Variants in FAM222B observed in about 807,000 individuals in gnomAD.
FAM222B encodes the protein family with sequence similarity 222 member B, also known as protein FAM222B.
Under a neutral mutation model 38.0 loss-of-function variants are expected in FAM222B, and 12 were observed. The ratio of observed to expected loss-of-function variants is 0.32; its 90% CI spans 0.20 to 0.51. FAM222B has a LOEUF of 0.51. Among genes scored for constraint, FAM222B ranks in the 20% least tolerant of loss-of-function variants. The pLI, the probability that FAM222B is intolerant of heterozygous loss-of-function variation, is 0.97. For synonymous variants in FAM222B, 329 were observed against 317.2 expected, an observed-to-expected ratio of 1.04 and a Z score of -0.40; for missense variants, 716 against 754.2, an observed-to-expected ratio of 0.95 and a Z score of 0.59.
At chr17:28,772,593 CAG>C (rs1245187085) in intron 1 of FAM222B, among the ~76,000 whole-genome samples, 6 of 139,126 alleles carry the variant, frequency 4.3e-5, no homozygotes, top group Non-Finnish European at 6.2e-5. Flanking sequence ...AAAAAAAGAA[CAG>C]AGAGAATTAA....
intron 1 of FAM222B, among the ~76,000 whole-genome samples, chr17:28,769,098 C>T (rs967587007): frequency 2.7e-5 from 4 of 150,616 alleles, no homozygotes; most frequent in African/African-American, 7.3e-5. Flanking sequence ...GATGGGATTA[C>T]TATTAGCCTT....
At chr17:28,793,525 C>T (rs903663247) in intron 1 of FAM222B, among the ~76,000 whole-genome samples, 15 of 152,128 alleles carry the variant, frequency 9.9e-5, no homozygotes, top group Non-Finnish European at 1.9e-4. Context: ...GAATGGTTTT[C>T]AGTAACCAAT....
At chr17:28,780,724 A>G (rs757021418) in intron 1 of FAM222B, among the ~76,000 whole-genome samples, 2 of 152,084 alleles carry the variant, frequency 1.3e-5, no homozygotes, top group Non-Finnish European at 2.9e-5. Flanking sequence ...TCTACTAAAT[A>G]TACACAAATT....
chr17:28,759,992 T>A lies in FAM222B; in HGVS notation c.83-116A>T. 2.0e-6 allele frequency: 2 copies of A among 1,007,024 alleles called. No homozygotes were observed. The highest frequency in any genetic ancestry group is 2.9e-6 in the Non-Finnish European group (2 of 697,172). The allele number at this position is 1,007,024 out of a possible 1,614,324, so 62.4% of individuals were successfully genotyped here. On this transcript the variant is annotated intron_variant, in intron 2 of 2. Coordinates refer to ENST00000581407, the MANE Select transcript of FAM222B (RefSeq NM_001077498.3). This position sits in a 1 kb window ranked among gnomAD's most constrained non-coding sequence, Gnocchi z 4.8. Reference sequence around the variant, plus strand: ...GCCTGGGGTGGGGTGGGGAAATGACTAGATTGTCATCTGTAGCCTTCATTC... The same window carrying A: ...GCCTGGGGTGGGGTGGGGAAATGACAAGATTGTCATCTGTAGCCTTCATTC...
At chr17:28,791,238 T>C (rs995881821) in intron 1 of FAM222B, among the ~76,000 whole-genome samples, 3 of 151,660 alleles carry the variant, frequency 2.0e-5, no homozygotes, top group Non-Finnish European at 4.4e-5. Flanking sequence ...AAATACAAGG[T>C]TGAAGTCTAG....
chr17:28,813,959 C>T (rs1028098193), intron 1 of FAM222B, among the ~76,000 whole-genome samples: 1 of 151,792 alleles, frequency 6.6e-6, no homozygotes, highest in African/African-American at 2.4e-5. Flanking sequence ...CCTGTAATCC[C>T]AGCACTTTGG....
At chr17:28,786,744 G>A (rs1269957317) in intron 1 of FAM222B, among the ~76,000 whole-genome samples, 1 of 152,042 alleles carries the variant, frequency 6.6e-6, no homozygotes, top group East Asian at 1.9e-4. Context: ...TACCCACTAT[G>A]TATCCATTTG....
In FAM222B at chr17:28,756,439, T is replaced by C. The variant is rs2034696359; in HGVS notation, c.*1831A>G. 2.6e-5 allele frequency: 4 copies of C among 152,358 alleles called. No individual in the cohort carries two copies. The highest frequency in any genetic ancestry group is 2.1e-4 in the South Asian group (1 of 4,822). The allele number at this position is 152,358 out of a possible 1,614,324, so 9.4% of individuals were successfully genotyped here. A position where few individuals can be genotyped will look rare whatever the true frequency, so the allele number is the denominator to read the frequency against. On this transcript the variant is annotated 3_prime_UTR_variant, in exon 3 of 3. Transcript: ENST00000581407. The stretch of plus-strand genomic sequence containing the variant: ...GCAGCTCACCTTTCAGGGAGAGGTA[T>C]TGGGGAGGAAAAAAAAATACAGCAA...
At chr17:28,767,791 T>C (rs2035415724) in intron 1 of FAM222B, among the ~76,000 whole-genome samples, 1 of 152,180 alleles carries the variant, frequency 6.6e-6, no homozygotes, top group African/African-American at 2.4e-5. Context: ...CACTTTTAAA[T>C]GGAAGGAGGA....
chr17:28,830,990 C>CTTTTTTTTTTTTTT (rs56073818), intron 1 of FAM222B, among the ~76,000 whole-genome samples: 1 of 117,810 alleles, frequency 8.5e-6, no homozygotes, highest in African/African-American at 3.2e-5. Flanking sequence ...GTGAATGTTT[C>CTTTTTTTTTTTTTT]TTTTTTTTTT....
At chr17:28,820,664 C>T (rs765246043) in intron 1 of FAM222B, among the ~76,000 whole-genome samples, 1 of 150,764 alleles carries the variant, frequency 6.6e-6, no homozygotes, top group Non-Finnish European at 1.5e-5. Context: ...GGCGAAGTCT[C>T]GCTCTGTCAC....
chr17:28,783,769 C>T (rs965724735), intron 1 of FAM222B, among the ~76,000 whole-genome samples: 1 of 151,698 alleles, frequency 6.6e-6, no homozygotes, highest in African/African-American at 2.4e-5. Context: ...CCTCGGCCTC[C>T]CAAACTGCTA....
intron 1 of FAM222B, among the ~76,000 whole-genome samples, chr17:28,817,031 A>G (rs1861259768): frequency 6.6e-6 from 1 of 152,156 alleles, no homozygotes; most frequent in African/African-American, 2.4e-5. Context: ...AAATTCTATT[A>G]GACCCCAGAG....
At chr17:28,769,314 G>C (rs897688713) in intron 1 of FAM222B, among the ~76,000 whole-genome samples, 8 of 151,842 alleles carry the variant, frequency 5.3e-5, no homozygotes, top group Non-Finnish European at 1.2e-4. Context: ...GAGTAGCTGG[G>C]ACTACAGGCG....
chr17:28,827,104 A>T (rs1317624062), intron 1 of FAM222B, among the ~76,000 whole-genome samples: 1 of 152,028 alleles, frequency 6.6e-6, no homozygotes, highest in Non-Finnish European at 1.5e-5. Flanking sequence ...CTATAACAGC[A>T]CCACTATACT....
chr17:28,828,320 T>C (rs2038517891), intron 1 of FAM222B, among the ~76,000 whole-genome samples: 1 of 151,608 alleles, frequency 6.6e-6, no homozygotes. Context: ...CCCAGCAGTT[T>C]GGGAGGCTGT....
chr17:28,785,267 T>C (rs1179979295), intron 1 of FAM222B, among the ~76,000 whole-genome samples: 1 of 152,216 alleles, frequency 6.6e-6, no homozygotes, highest in East Asian at 1.9e-4. Flanking sequence ...ACCAGCCTTT[T>C]AAAAGTGTTG....
intron 1 of FAM222B, among the ~76,000 whole-genome samples, chr17:28,808,644 T>G (rs1258142953): frequency 1.3e-5 from 2 of 152,216 alleles, no homozygotes; most frequent in Non-Finnish European, 2.9e-5. Flanking sequence ...CCTCAAAAGA[T>G]TCAGCTTCCA....
At chr17:28,762,190 G>GGTA (rs1457051985) in intron 2 of FAM222B, 1 of 152,144 alleles carries the variant, frequency 6.6e-6, no homozygotes, top group Non-Finnish European at 1.5e-5. Context: ...GTGAAATGAG[G>GGTA]GTAGGGAGGG....
Sources: allele counts gnomAD v4.1 joint callset (sites outside exome capture counted in the v4.1 genomes callset), GRCh38; gene constraint gnomAD v4.1.1; non-coding constraint Gnocchi (gnomAD v3.1); transcripts MANE v1.5; gene names NCBI Gene and HGNC (gene_info 2026-07-23, HGNC 2026-07-21).